Variants in CACNA1D observed in about 807,000 individuals in gnomAD.
CACNA1D encodes the protein voltage-dependent L-type calcium channel subunit alpha-1D.
A neutral mutation model predicts 257.1 loss-of-function variants in CACNA1D; 55 were observed. That is an observed-to-expected ratio of 0.21 (90% confidence interval 0.17 to 0.27). CACNA1D has a LOEUF of 0.27. Among genes scored for constraint, CACNA1D ranks in the 10% least tolerant of loss-of-function variants. The probability of loss-of-function intolerance (pLI) is 1.00; values close to 1 mark genes in which losing one functional copy is unlikely to be tolerated. For missense variants in CACNA1D, 1,876 were observed against 2,784.0 expected (o/e 0.67, Z 7.34); for synonymous variants, 980 against 1,014.9 (o/e 0.97, Z 0.65).
intron 38 of CACNA1D, among the ~76,000 whole-genome samples, chr3:53,780,898 A>G (rs990761305): frequency 1.3e-5 from 2 of 152,156 alleles, no homozygotes; most frequent in Non-Finnish European, 2.9e-5. Flanking sequence ...ACTCATGCTG[A>G]GTGCAGGCAG....
chr3:53,535,882 A>G (rs1305232026), intron 3 of CACNA1D, among the ~76,000 whole-genome samples: 1 of 152,214 alleles, frequency 6.6e-6, no homozygotes, highest in African/African-American at 2.4e-5. Flanking sequence ...TAGCACAGAG[A>G]TAGCATCACT....
chr3:53,736,904 A>C (rs568150881), intron 20 of CACNA1D, among the ~76,000 whole-genome samples: 1 of 151,048 alleles, frequency 6.6e-6, no homozygotes, highest in East Asian at 2.0e-4. Context: ...AAAAAAAAAA[A>C]CAAAAAGAAC....
At chr3:53,578,636 G>A (rs1296411107) in intron 3 of CACNA1D, among the ~76,000 whole-genome samples, 1 of 152,078 alleles carries the variant, frequency 6.6e-6, no homozygotes, top group Non-Finnish European at 1.5e-5. Flanking sequence ...AAGGAGGGTG[G>A]TGCAATGGAG....
At chr3:53,602,946 C>A (rs1168703628) in intron 3 of CACNA1D, among the ~76,000 whole-genome samples, 1 of 152,200 alleles carries the variant, frequency 6.6e-6, no homozygotes, top group Non-Finnish European at 1.5e-5. Flanking sequence ...AGTGGTGCAG[C>A]TTTGCTGAGC....
chr3:53,723,707 G>T lies in CACNA1D; in HGVS notation c.1892+48G>T, dbSNP rs2108722660. 6.3e-7 allele frequency: 1 copy of T among 1,593,984 alleles called. No homozygotes were observed. The highest frequency in any genetic ancestry group is 1.1e-5 in the South Asian group (1 of 90,664). On this transcript the variant is annotated intron_variant, in intron 13 of 47. Coordinates refer to ENST00000350061, the MANE Select transcript of CACNA1D (RefSeq NM_001128840.3). This position sits in a 1 kb window ranked among gnomAD's most constrained non-coding sequence, Gnocchi z 5.6. ...GCAAATGTTTTATGAACATGAGGCG[G>T]CAACCAGTCACATCCCCGGGCAGGT...
intron 40 of CACNA1D, among the ~76,000 whole-genome samples, chr3:53,798,276 A>T (rs1038373886): frequency 1.3e-5 from 2 of 151,920 alleles, no homozygotes; most frequent in South Asian, 2.1e-4. Context: ...GAACTCGTGG[A>T]TCCTGAGAGA....
intron 3 of CACNA1D, among the ~76,000 whole-genome samples, chr3:53,601,108 A>G (rs577514570): frequency 4.6e-5 from 7 of 152,116 alleles, no homozygotes; most frequent in Non-Finnish European, 7.3e-5. Context: ...CTTGTCATGA[A>G]TATAAGAATG....
intron 3 of CACNA1D, among the ~76,000 whole-genome samples, chr3:53,550,003 A>C (rs569417223): frequency 2.0e-5 from 3 of 152,342 alleles, no homozygotes; most frequent in Admixed American, 2.0e-4. Context: ...AAGGATTTAA[A>C]GTGAAAGATT....
At chr3:53,591,158 T>C (rs1415279693) in intron 3 of CACNA1D, among the ~76,000 whole-genome samples, 1 of 152,164 alleles carries the variant, frequency 6.6e-6, no homozygotes, top group Non-Finnish European at 1.5e-5. Context: ...CCCCATGTAT[T>C]TTTCTCTTAT....
chr3:53,808,797 C>CA (rs1559728291), intron 46 of CACNA1D, 27 bp downstream of exon 46: 1 of 1,601,736 alleles, frequency 6.2e-7, no homozygotes, highest in East Asian at 2.2e-5. Context: ...GCCTTGCCCC[C>CA]ACACCTAGGG....
At chr3:53,808,800 A>G in intron 46 of CACNA1D, 30 bp downstream of exon 46, 1 of 1,599,326 alleles carries the variant, frequency 6.3e-7, no homozygotes, top group South Asian at 1.1e-5. Flanking sequence ...TTGCCCCCAC[A>G]CCTAGGGGCA....
chr3:53,729,172 C>T (rs1410394904), intron 15 of CACNA1D, among the ~76,000 whole-genome samples: 3 of 152,210 alleles, frequency 2.0e-5, no homozygotes, highest in Non-Finnish European at 4.4e-5. Flanking sequence ...GGACTAATTG[C>T]TTCCTGAGGC....
intron 29 of CACNA1D, among the ~76,000 whole-genome samples, chr3:53,754,276 G>A (rs1277400757): frequency 1.3e-5 from 2 of 152,234 alleles, no homozygotes; most frequent in Non-Finnish European, 2.9e-5. Context: ...GACTCAGCGT[G>A]TTGTACCCCT....
At position 53,662,704 on chromosome 3, in the gene CACNA1D, T is replaced by C. The variant is rs115424710; in HGVS notation, c.766+2429T>C. On this transcript the variant is annotated intron_variant, in intron 5 of 47. Transcript: ENST00000350061. ...GAGTCCCATGAGATCCACTGAGATC[T>C]ACCGTACATGTTGATTATGTACAAA... Among the ~76,000 whole-genome samples, 824 of 152,330 alleles carry C rather than the reference T, an allele frequency of 5.4e-3. 9 individuals are homozygous for C. Among genetic ancestry groups the C allele is most frequent in the African/African-American group, 0.019 (789 of 41,578 alleles).
At chr3:53,770,633 C>A in intron 32 of CACNA1D, 81 bp downstream of exon 32, 1 of 1,382,936 alleles carries the variant, frequency 7.2e-7, no homozygotes, top group Non-Finnish European at 1.0e-6. Flanking sequence ...CTAGAGGACC[C>A]AGGCTCCCCC....
intron 3 of CACNA1D, among the ~76,000 whole-genome samples, chr3:53,603,263 G>A (rs944162069): frequency 6.6e-6 from 1 of 152,234 alleles, no homozygotes; most frequent in Non-Finnish European, 1.5e-5. Flanking sequence ...TGGGAATAAT[G>A]CTCATGCTTG....
At chr3:53,641,253 G>A (rs1417519094) in intron 3 of CACNA1D, among the ~76,000 whole-genome samples, 1 of 152,172 alleles carries the variant, frequency 6.6e-6, no homozygotes, top group African/African-American at 2.4e-5. Context: ...GAGGAATTTA[G>A]ATGTGATGCA....
chr3:53,770,040 A>G, intron 31 of CACNA1D, 23 bp downstream of exon 31: 1 of 1,596,360 alleles, frequency 6.3e-7, no homozygotes. Context: ...ACTAGTCCCC[A>G]GGGGCTGGGC....
chr3:53,710,514 C>T (rs1468163051), intron 9 of CACNA1D: 5 of 456,424 alleles, frequency 1.1e-5, no homozygotes, highest in Admixed American at 2.3e-5. Context: ...TTTTCCGCAA[C>T]ATCTCTGATA....
Sources: allele counts gnomAD v4.1 joint callset (sites outside exome capture counted in the v4.1 genomes callset), GRCh38; gene constraint gnomAD v4.1.1; non-coding constraint Gnocchi (gnomAD v3.1); transcripts MANE v1.5; gene names NCBI Gene and HGNC (gene_info 2026-07-23, HGNC 2026-07-21).